The following AP3S1 variants were observed in gnomAD, a reference collection of about 807,000 sequenced individuals.
AP3S1 encodes the protein adaptor related protein complex 3 subunit sigma 1.
In AP3S1, 12 loss-of-function variants were observed where a neutral mutation model predicts 21.3. That is an observed-to-expected ratio of 0.56 (90% confidence interval 0.36 to 0.91). The LOEUF (loss-of-function observed/expected upper bound fraction) is 0.91. AP3S1 is among the 40% of genes least tolerant of loss of function. The pLI is 0.01. For missense variants in AP3S1, 116 were observed against 225.0 expected (o/e 0.52, Z 3.10); for synonymous variants, 48 against 78.4 (o/e 0.61, Z 2.05).
At chr5:115,884,163 C>A (rs945490630) in intron 3 of AP3S1, among the ~76,000 whole-genome samples, 2 of 152,006 alleles carry the variant, frequency 1.3e-5, no homozygotes, top group East Asian at 1.9e-4. Context: ...GTATTTTAAA[C>A]GGAATTTATA....
intron 4 of AP3S1, among the ~76,000 whole-genome samples, chr5:115,895,679 A>G (rs905770299): frequency 6.6e-6 from 1 of 152,056 alleles, no homozygotes; most frequent in African/African-American, 2.4e-5. Context: ...TGACGTTATT[A>G]TTGCTTTGTT....
At chr5:115,908,903 T>A in intron 5 of AP3S1, 5 of 813,102 alleles carry the variant, frequency 6.1e-6, no homozygotes, top group Non-Finnish European at 7.4e-6. Flanking sequence ...TCTGCCATTA[T>A]TTTGTTAATG....
chr5:115,859,789 G>C (rs1004314353), intron 1 of AP3S1, among the ~76,000 whole-genome samples: 2 of 152,216 alleles, frequency 1.3e-5, no homozygotes, highest in African/African-American at 2.4e-5. Flanking sequence ...ACAGAGTTAT[G>C]TTCCAATCTC....
intron 3 of AP3S1, among the ~76,000 whole-genome samples, chr5:115,894,512 A>G (rs1276777239): frequency 6.6e-6 from 1 of 152,210 alleles, no homozygotes; most frequent in Non-Finnish European, 1.5e-5. Flanking sequence ...AAAACAGTCC[A>G]TTTATGGGAA....
chr5:115,869,745 A>C (rs1748059887), intron 2 of AP3S1, among the ~76,000 whole-genome samples: 1 of 152,162 alleles, frequency 6.6e-6, no homozygotes, highest in African/African-American at 2.4e-5. Flanking sequence ...CTTCTTCCCC[A>C]CTACCAGTGC....
intron 1 of AP3S1, among the ~76,000 whole-genome samples, chr5:115,858,671 T>C (rs2112802986): frequency 6.6e-6 from 1 of 151,922 alleles, no homozygotes; most frequent in Admixed American, 6.5e-5. Flanking sequence ...TCTATCTTTG[T>C]GCCCTTTGGG....
intron 3 of AP3S1, among the ~76,000 whole-genome samples, chr5:115,885,686 ATACTT>A (rs1749718980): frequency 6.6e-6 from 1 of 152,200 alleles, no homozygotes; most frequent in African/African-American, 2.4e-5. Context: ...CCCAGAAACA[ATACTT>A]TACCAGCTAT....
intron 3 of AP3S1, among the ~76,000 whole-genome samples, chr5:115,878,103 C>G (rs1748895262): frequency 6.6e-6 from 1 of 152,138 alleles, no homozygotes; most frequent in Non-Finnish European, 1.5e-5. Context: ...GATATTAGCC[C>G]TTTGTCAGAT....
At chr5:115,899,807 C>T (rs1374082481) in intron 4 of AP3S1, among the ~76,000 whole-genome samples, 1 of 151,832 alleles carries the variant, frequency 6.6e-6, no homozygotes, top group Non-Finnish European at 1.5e-5. Flanking sequence ...ATACATTTAA[C>T]ATCTATTATA....
chr5:115,856,133 G>A (rs574374192), intron 1 of AP3S1, among the ~76,000 whole-genome samples: 16 of 152,064 alleles, frequency 1.1e-4, no homozygotes, highest in Non-Finnish European at 1.8e-4. Context: ...TTTTGACTTC[G>A]GTTGTGAAAC....
At chr5:115,868,156 AG>A (rs1288302608) in intron 2 of AP3S1, among the ~76,000 whole-genome samples, 1 of 152,204 alleles carries the variant, frequency 6.6e-6, no homozygotes, top group Non-Finnish European at 1.5e-5. Flanking sequence ...CTTAAAGATA[AG>A]ATTATATTTT....
intron 1 of AP3S1, among the ~76,000 whole-genome samples, chr5:115,844,400 GA>G (rs1434223060): frequency 6.6e-6 from 1 of 152,334 alleles, no homozygotes; most frequent in Non-Finnish European, 1.5e-5. Context: ...AGAGTGAGAG[GA>G]TGACAGTTTA....
chr5:115,864,113 A>G (rs751718987), intron 1 of AP3S1, among the ~76,000 whole-genome samples: 1 of 152,232 alleles, frequency 6.6e-6, no homozygotes, highest in Non-Finnish European at 1.5e-5. Flanking sequence ...GTGCAAATGC[A>G]TTCAGGTTTA....
intron 3 of AP3S1, among the ~76,000 whole-genome samples, chr5:115,878,996 T>A (rs1274901775): frequency 6.6e-6 from 1 of 152,264 alleles, no homozygotes; most frequent in East Asian, 1.9e-4. Flanking sequence ...TGGCTCTCCG[T>A]TTGTCTATTA....
At chr5:115,843,187 G>A (rs538063792) in intron 1 of AP3S1, among the ~76,000 whole-genome samples, 24 of 152,174 alleles carry the variant, frequency 1.6e-4, no homozygotes, top group Non-Finnish European at 2.9e-4. Flanking sequence ...GTGGTATTGT[G>A]GCACTTTGCT....
intron 1 of AP3S1, among the ~76,000 whole-genome samples, chr5:115,854,200 G>A (rs1480040007): frequency 6.6e-6 from 1 of 152,058 alleles, no homozygotes. Flanking sequence ...ACCTTTTAAA[G>A]GTCTTACGTT....
chr5:115,895,406 A>G (rs887744417), intron 4 of AP3S1, among the ~76,000 whole-genome samples: 1 of 152,194 alleles, frequency 6.6e-6, no homozygotes, highest in Non-Finnish European at 1.5e-5. Context: ...GTAGCATGTT[A>G]ATGGGGACAC....
intron 5 of AP3S1, chr5:115,906,829 C>T (rs1751694759): frequency 6.6e-7 from 1 of 1,519,226 alleles, no homozygotes; most frequent in African/African-American, 1.4e-5. Context: ...AGACCTTTAT[C>T]TTTCAGTCTC....
intron 5 of AP3S1, among the ~76,000 whole-genome samples, chr5:115,905,726 A>C (rs1751592662): frequency 6.6e-6 from 1 of 152,208 alleles, no homozygotes; most frequent in Non-Finnish European, 1.5e-5. Flanking sequence ...TTTCATGTCC[A>C]TGTTACTTCA....
Sources: allele counts gnomAD v4.1 joint callset (sites outside exome capture counted in the v4.1 genomes callset), GRCh38; gene constraint gnomAD v4.1.1; transcripts MANE v1.5; gene names NCBI Gene and HGNC (gene_info 2026-07-23, HGNC 2026-07-21).